The following ARHGEF40 variants were observed in gnomAD, a reference collection of about 807,000 sequenced individuals.
The protein encoded by ARHGEF40 is Rho guanine nucleotide exchange factor (GEF) 40.
In ARHGEF40, 98 loss-of-function variants were observed where a neutral mutation model predicts 165.9. The ratio of observed to expected loss-of-function variants is 0.59; its 90% CI spans 0.50 to 0.70. The LOEUF is 0.70. Among genes scored for constraint, ARHGEF40 ranks in the 30% least tolerant of loss-of-function variants. ARHGEF40 has a pLI of 0.00. For missense variants in ARHGEF40, 1,815 were observed against 1,968.0 expected (o/e 0.92, Z 1.47); for synonymous variants, 792 against 814.3 (o/e 0.97, Z 0.47).
intron 13 of ARHGEF40, chr14:21,081,303 G>A (rs778797328): frequency 3.9e-5 from 32 of 812,848 alleles, no homozygotes; most frequent in Non-Finnish European, 5.6e-5. Flanking sequence ...ATGAGTACCG[G>A]TTATTCTTTT....
intron 5 of ARHGEF40, 58 bp from the exon 6 acceptor site, chr14:21,076,302 T>A: frequency 7.0e-7 from 1 of 1,423,172 alleles, no homozygotes; most frequent in East Asian, 2.3e-5. Context: ...CCTTGCCTTA[T>A]CTGCTATCCC....
chr14:21,069,016 A>C (rs1378520995), upstream of ARHGEF40, among the ~76,000 whole-genome samples: 1 of 152,202 alleles, frequency 6.6e-6, no homozygotes, highest in Non-Finnish European at 1.5e-5. Flanking sequence ...TTTTCTCATC[A>C]TCGCCCTCCA....
At chr14:21,066,677 G>T (rs1180701157), upstream of ARHGEF40, among the ~76,000 whole-genome samples, 1 of 152,218 alleles carries the variant, frequency 6.6e-6, no homozygotes, top group Non-Finnish European at 1.5e-5. Flanking sequence ...ATGGTGCAGA[G>T]AATGGCTTAT....
At position 21,074,928 on chromosome 14, in the gene ARHGEF40, C is replaced by CT; in HGVS notation, c.1199dup (p.Ser401GlufsTer22). ...TAGCCGAGGAGGGGACAGTGCCCCA[C>CT]TGAGCCCTGGGGACAAGGAAGATGC... On this transcript the variant is annotated frameshift_variant, in exon 3 of 24. Transcript: ENST00000298694. LOFTEE classifies it high-confidence loss of function. This position sits in a 1 kb window ranked among gnomAD's most constrained non-coding sequence, Gnocchi z 4.8. 1 of 1,607,624 alleles carries CT rather than the reference C, an allele frequency of 6.2e-7. No homozygotes were observed. The highest frequency in any genetic ancestry group is 8.5e-7 in the Non-Finnish European group (1 of 1,177,382).
In ARHGEF40 at chr14:21,090,006, G is replaced by A; in HGVS notation, c.*998G>A. The A allele has an allele frequency of 3.9e-6, 1 of 253,384 alleles. No individual in the cohort carries two copies. The highest frequency in any genetic ancestry group is 2.2e-5 in the African/African-American group (1 of 44,640). 15.7% of individuals were successfully genotyped at this position (253,384 alleles called of 1,614,324 possible). ...TTTGGGTGATAACTAAGTGTCTGAA[G>A]AGGTGACTATTTCCTGACAGAAGGA... is the stretch of plus-strand genomic sequence containing the variant. On this transcript the variant is annotated 3_prime_UTR_variant, in exon 24 of 24. Coordinates refer to ENST00000298694, the MANE Select transcript of ARHGEF40 (RefSeq NM_018071.5). The surrounding 1 kb of genome is among the most constrained non-coding windows in gnomAD (Gnocchi z 4.4).
At chr14:21,070,100 G>A (rs1342770095), upstream of ARHGEF40, among the ~76,000 whole-genome samples, 2 of 152,068 alleles carry the variant, frequency 1.3e-5, no homozygotes, top group African/African-American at 2.4e-5. The surrounding 1 kb of genome is among the most constrained non-coding windows in gnomAD (Gnocchi z 4.7). Flanking sequence ...TGAACGGGAC[G>A]GATAGGCTGG....
chr14:21,068,929 C>CT (rs1886450301), upstream of ARHGEF40, among the ~76,000 whole-genome samples: 1 of 152,250 alleles, frequency 6.6e-6, no homozygotes, highest in Non-Finnish European at 1.5e-5. Flanking sequence ...CTTGGCGGCA[C>CT]CCCCGCCTCC....
At chr14:21,079,837 A>G (rs1266387218) in intron 11 of ARHGEF40, among the ~76,000 whole-genome samples, 2 of 152,004 alleles carry the variant, frequency 1.3e-5, no homozygotes, top group Non-Finnish European at 2.9e-5. Flanking sequence ...TGTTTCCCCA[A>G]CTGTTTAAAA....
rs1001715608 is a variant in ARHGEF40 at position 21,076,804 on chromosome 14, A to G, written c.1948A>G (p.Lys650Glu). ...TGAGGTGCTGTCAGAGAATGATCTG[A>G]AAAGAGTGGCCAAGCCAGAGGAGCT... Reference protein sequence around the residue: ...GAEVLSENDLKRVAKPEELQW... With the variant: ...GAEVLSENDLERVAKPEELQW... Residue 650 changes from lysine to glutamate, a missense_variant, in exon 8 of 24, where the codon AAA becomes GAA. Coordinates refer to ENST00000298694, the MANE Select transcript of ARHGEF40 (RefSeq NM_018071.5). 61 of 1,613,942 alleles carry G rather than the reference A, an allele frequency of 3.8e-5. No individual in the cohort carries two copies. Among genetic ancestry groups the G allele is most frequent in the East Asian group, 6.7e-5 (3 of 44,884 alleles).
Position 21,073,698 on chromosome 14 carries a change from C to T in ARHGEF40, c.202-234C>T, listed in dbSNP as rs1015154302. On this transcript the variant is annotated intron_variant, in intron 2 of 23. Transcript: ENST00000298694. The surrounding 1 kb of genome is among the most constrained non-coding windows in gnomAD (Gnocchi z 4.6). The stretch of plus-strand genomic sequence containing the variant: ...TCTTGGTAACGATTCAGTTCTTACC[C>T]TCCCACACATGGAACTAGCTTCCTG... 6.6e-6 allele frequency among the ~76,000 whole-genome samples: 1 copy of T among 152,200 alleles called. No individual in the cohort carries two copies. Among genetic ancestry groups the T allele is most frequent in the Non-Finnish European group, 1.5e-5 (1 of 68,036 alleles).
upstream of ARHGEF40, among the ~76,000 whole-genome samples, chr14:21,066,335 T>G (rs1485412969): frequency 6.6e-6 from 1 of 151,720 alleles, no homozygotes; most frequent in Non-Finnish European, 1.5e-5. Flanking sequence ...GTTTTTTTTT[T>G]TTGGAGACGG....
At position 21,073,973 on chromosome 14, in the gene ARHGEF40, G is replaced by A. The variant is rs114625560; in HGVS notation, c.243G>A (p.Pro81=). Reference sequence around the variant, plus strand: ...TCCTCTTCTTCCATGAGGGGTGGCCGCTCTGCCTGCATGAACAGGTGGTGG... The same window carrying A: ...TCCTCTTCTTCCATGAGGGGTGGCCACTCTGCCTGCATGAACAGGTGGTGG... ...SGFLFFHEGW[P]LCLHEQVVVQ... The change falls in exon 3 of 24, where the codon CCG becomes CCA. Residue 81 remains proline, a synonymous_variant. Coordinates refer to ENST00000298694, the MANE Select transcript of ARHGEF40 (RefSeq NM_018071.5). The surrounding 1 kb of genome is among the most constrained non-coding windows in gnomAD (Gnocchi z 4.6). The A allele has an allele frequency of 1.2e-4, 189 of 1,610,480 alleles. No individual in the cohort carries two copies. The East Asian group carries it at 2.4e-3, about 20-fold the overall frequency.
chr14:21,078,565 C>T, intron 10 of ARHGEF40, 77 bp downstream of exon 10: 2 of 1,394,546 alleles, frequency 1.4e-6, no homozygotes, highest in South Asian at 2.8e-5. Context: ...CAAACCTTAG[C>T]TGCCAGACCA....
At position 21,087,142 on chromosome 14, in the gene ARHGEF40, T is replaced by A. The variant is rs776479504; in HGVS notation, c.4243+37T>A. On this transcript the variant is annotated intron_variant, in intron 20 of 23. Transcript: ENST00000298694. ...GGTGCTGGGGGGTGGCCCCCAGGAG[T>A]GAAGACCTTGACAATGAGGATACAA... The A allele has an allele frequency of 1.4e-5, 22 of 1,600,890 alleles. No individual in the cohort carries two copies. In the Admixed American group the frequency reaches 3.7e-4, roughly 27 times the overall value.
chr14:21,089,020 T>A lies in ARHGEF40; in HGVS notation c.*12T>A, dbSNP rs146244738. ...CTTCTCTCCTGGCTTCTAGAGAAGA[T>A]CCAGAACTTGCGTGCAGCTTCTCCT... is the stretch of plus-strand genomic sequence containing the variant. On this transcript the variant is annotated 3_prime_UTR_variant, in exon 24 of 24. Transcript: ENST00000298694. 7 of 812,988 alleles carry A rather than the reference T, an allele frequency of 8.6e-6. No homozygotes were observed. In the African/African-American group the frequency reaches 1.2e-4, roughly 14 times the overall value. 50.4% of individuals were successfully genotyped at this position (812,988 alleles called of 1,614,324 possible).
chr14:21,087,950 C>G lies in ARHGEF40; in HGVS notation c.4388-18C>G. On this transcript the variant is annotated intron_variant, in intron 21 of 23. Coordinates refer to ENST00000298694, the MANE Select transcript of ARHGEF40 (RefSeq NM_018071.5). ...GGAGGGATTCTGTACTCTGCTCTCA[C>G]CCTAGCTTCCCCTTCAGCCCCAGAA... 6.2e-7 allele frequency: 1 copy of G among 1,613,730 alleles called. No homozygotes were observed. Among genetic ancestry groups the G allele is most frequent in the African/African-American group, 1.3e-5 (1 of 75,040 alleles).
chr14:21,070,447 C>T lies in ARHGEF40; in HGVS notation c.3+48C>T. 2.2e-6 allele frequency: 3 copies of T among 1,361,654 alleles called. No individual in the cohort carries two copies. The highest frequency in any genetic ancestry group is 1.9e-6 in the Non-Finnish European group (2 of 1,063,738). 84.3% of individuals were successfully genotyped at this position (1,361,654 alleles called of 1,614,324 possible). On this transcript the variant is annotated intron_variant, in intron 1 of 23. Transcript: ENST00000298694. This position sits in a 1 kb window ranked among gnomAD's most constrained non-coding sequence, Gnocchi z 4.7. ...CTGGGTCCCCTCGGCCTTCGCGCAG[C>T]CCGCTCCGGGCCCCCAAGTCCTCAG...
chr14:21,064,745 T>C, the ARHGEF40 span, among the ~76,000 whole-genome samples: 1 of 152,252 alleles, frequency 6.6e-6, no homozygotes, highest in Non-Finnish European at 1.5e-5. Flanking sequence ...GTTTCTGGGT[T>C]TGTACATCAA....
intron 18 of ARHGEF40, 70 bp from the exon 19 acceptor site, chr14:21,085,619 T>G: frequency 6.5e-7 from 1 of 1,547,652 alleles, no homozygotes; most frequent in African/African-American, 1.4e-5. Context: ...CGAAGCCCAG[T>G]GCTTGCCATG....
Sources: allele counts gnomAD v4.1 joint callset (sites outside exome capture counted in the v4.1 genomes callset), GRCh38; gene constraint gnomAD v4.1.1; non-coding constraint Gnocchi (gnomAD v3.1); transcripts MANE v1.5; gene names NCBI Gene and HGNC (gene_info 2026-07-23, HGNC 2026-07-21).